STEAP2: variants seen among roughly 807,000 people sequenced by gnomAD.
STEAP2 encodes STEAP2 metalloreductase, also known as metalloreductase STEAP2.
STEAP2 carries 30 observed loss-of-function variants against 46.4 expected under a neutral mutation model. That is an observed-to-expected ratio of 0.65 (90% CI 0.48 to 0.88). STEAP2 has a LOEUF of 0.88. Ranked by LOEUF, STEAP2 falls within the 40% of genes least tolerant of loss-of-function variation. The probability of loss-of-function intolerance (pLI) is 0.00; values close to 1 mark genes in which losing one functional copy is unlikely to be tolerated. For missense variants in STEAP2, 513 were observed against 579.3 expected (o/e 0.89, Z 1.18); for synonymous variants, 180 against 200.5 (o/e 0.90, Z 0.86).
chr7:90,240,439 T>C (rs763942487), downstream of STEAP2, among the ~76,000 whole-genome samples: 4 of 152,206 alleles, frequency 2.6e-5, no homozygotes, highest in East Asian at 3.8e-4. This position sits in a 1 kb window ranked among gnomAD's most constrained non-coding sequence, Gnocchi z 4.1. Context: ...CAGAAAGGAA[T>C]AACATTTGCT....
chr7:90,218,511 T>C (rs1296457345), intron 2 of STEAP2, among the ~76,000 whole-genome samples: 1 of 152,168 alleles, frequency 6.6e-6, no homozygotes, highest in Admixed American at 6.5e-5. Context: ...AAGTACCATA[T>C]ATTTGAAGAG....
chr7:90,237,709 G>A (rs542006064), downstream of STEAP2: 41 of 163,258 alleles, frequency 2.5e-4, no homozygotes, highest in Non-Finnish European at 4.3e-4. Context: ...ACTTTTCTGA[G>A]TTATTTCTTT....
Position 90,233,116 on chromosome 7 carries a change from T to C in STEAP2, c.*492T>C, listed in dbSNP as rs1795828520. The C allele has an allele frequency of 1.0e-6, 1 of 985,116 alleles. No homozygotes were observed. The allele number at this position is 985,116 out of a possible 1,614,324, so 61.0% of individuals were successfully genotyped here. On this transcript the variant is annotated 3_prime_UTR_variant, in exon 6 of 6. Transcript: ENST00000394621. ...TTAGCATCTAGGTAAGGCTGCATGA[T>C]AGCATTCCTATATTTCTCTCATAAA... is the stretch of plus-strand genomic sequence containing the variant.
At position 90,234,189 on chromosome 7, in the gene STEAP2, T is replaced by C; in HGVS notation, c.*1565T>C. On this transcript the variant is annotated 3_prime_UTR_variant, in exon 6 of 6. Coordinates refer to ENST00000394621, the MANE Select transcript of STEAP2 (RefSeq NM_001244944.2). ...TAATTATAAATCTACTCTAGAGACA[T>C]ATAATCATACAGATTATTCATAAAA... The C allele has an allele frequency of 1.0e-6, 1 of 985,322 alleles. No individual in the cohort carries two copies. Among genetic ancestry groups the C allele is most frequent in the African/African-American group, 1.7e-5 (1 of 57,370 alleles). 61.0% of individuals were successfully genotyped at this position (985,322 alleles called of 1,614,324 possible). A position where few individuals can be genotyped will look rare whatever the true frequency, so the allele number is the denominator to read the frequency against.
chr7:90,227,216 C>T lies in STEAP2; in HGVS notation c.738C>T (p.Asp246=), dbSNP rs564034572. The stretch of plus-strand genomic sequence containing the variant: ...CATATGCTAGAAACCAACAGAGTGA[C>T]TTTTACAAAATTCCTATAGAGATTG... ...IHPYARNQQS[D]FYKIPIEIVN... The change falls in exon 4 of 6, where the codon GAC becomes GAT. Residue 246 remains aspartate, a synonymous_variant. Transcript: ENST00000394621. 2 of 1,613,850 alleles carry T rather than the reference C, an allele frequency of 1.2e-6. No individual in the cohort carries two copies. The highest frequency in any genetic ancestry group is 4.5e-5 in the East Asian group (2 of 44,874).
rs1795955432 is a variant in STEAP2, at chr7:90,236,201, GATTT to G, written c.*3584_*3587del. ...CTGTACAGTTTCCCCCCAAAAAAGA[GATTT>G]ATTTATGAAATATTTAAAGTTTCTA... is the stretch of plus-strand genomic sequence containing the variant. On this transcript the variant is annotated 3_prime_UTR_variant, in exon 6 of 6. Coordinates refer to ENST00000394621, the MANE Select transcript of STEAP2 (RefSeq NM_001244944.2). 1.3e-5 allele frequency: 10 copies of G among 784,300 alleles called. No individual in the cohort carries two copies. The highest frequency in any genetic ancestry group is 3.8e-5 in the African/African-American group (2 of 52,892). The allele number at this position is 784,300 out of a possible 1,614,324, so 48.6% of individuals were successfully genotyped here. A position where few individuals can be genotyped will look rare whatever the true frequency, so the allele number is the denominator to read the frequency against.
intron 2 of STEAP2, among the ~76,000 whole-genome samples, chr7:90,222,847 A>G (rs1487406157): frequency 6.6e-6 from 1 of 152,130 alleles, no homozygotes; most frequent in African/African-American, 2.4e-5. Flanking sequence ...AAAAACCCCA[A>G]CTTTTTTTTG....
chr7:90,225,373 T>C lies in STEAP2; in HGVS notation c.291T>C (p.His97=). The C allele has an allele frequency of 6.2e-7, 1 of 1,613,790 alleles. No homozygotes were observed. The highest frequency in any genetic ancestry group is 8.5e-7 in the Non-Finnish European group (1 of 1,179,874). Residue 97 remains histidine, a synonymous_variant, in exon 3 of 6, where the codon CAT becomes CAC. Coordinates refer to ENST00000394621, the MANE Select transcript of STEAP2 (RefSeq NM_001244944.2). The stretch of plus-strand genomic sequence containing the variant: ...TATTTGTTGCTATACACAGAGAACA[T>C]TATACCTCCCTGTGGGACCTGAGAC... ...NIIFVAIHRE[H]YTSLWDLRHL...
rs369585332 is a variant in STEAP2, at chr7:90,219,968, C to T, written c.-34+3365C>T. 2.5e-3 allele frequency among the ~76,000 whole-genome samples: 383 copies of T among 152,300 alleles called. 19 individuals carry two copies. In the South Asian group the frequency reaches 0.077, roughly 30 times the overall value. ...GCTTAAACTCCTGGCTTCAATCCAT[C>T]CTCCTGCATTGGCCTCCCAAAGTGC... On this transcript the variant is annotated intron_variant, in intron 2 of 5. Transcript: ENST00000394621.
Position 90,236,128 on chromosome 7 carries a change from T to C in STEAP2, c.*3504T>C. 2 of 672,442 alleles carry C rather than the reference T, an allele frequency of 3.0e-6. No individual in the cohort carries two copies. Among genetic ancestry groups the C allele is most frequent in the Non-Finnish European group, 1.8e-6 (1 of 545,444 alleles). 41.7% of individuals were successfully genotyped at this position (672,442 alleles called of 1,614,324 possible). ...TTAATATATCTCCTATCTGATAACT[T>C]AATTCTTCTAAATTACCACTTGCCA... On this transcript the variant is annotated 3_prime_UTR_variant, in exon 6 of 6. Coordinates refer to ENST00000394621, the MANE Select transcript of STEAP2 (RefSeq NM_001244944.2).
At chr7:90,227,614 G>A (rs1016376103) in intron 4 of STEAP2, 116 bp downstream of exon 4, 144 of 1,005,896 alleles carry the variant, frequency 1.4e-4, no homozygotes, top group Middle Eastern at 1.0e-3. Flanking sequence ...GGTATACTGC[G>A]GGAGGGGAAA....
In STEAP2 at chr7:90,227,380, G is replaced by T; in HGVS notation, c.902G>T (p.Cys301Phe). The change falls in exon 4 of 6, where the codon TGT (cysteine) becomes TTT (phenylalanine). Residue 301 changes from cysteine to phenylalanine, a missense_variant. Coordinates refer to ENST00000394621, the MANE Select transcript of STEAP2 (RefSeq NM_001244944.2). ...FPPWLETWLQ[C>F]RKQLGLLSFF... ...CCTTGGTTGGAAACCTGGTTACAGT[G>T]TAGAAAACAGCTTGGATTACTAAGT... is the stretch of plus-strand genomic sequence containing the variant. 6.2e-7 allele frequency: 1 copy of T among 1,613,544 alleles called. No homozygotes were observed. Among genetic ancestry groups the T allele is most frequent in the South Asian group, 1.1e-5 (1 of 91,066 alleles).
chr7:90,221,815 G>A (rs1293567681), intron 2 of STEAP2, among the ~76,000 whole-genome samples: 1 of 152,128 alleles, frequency 6.6e-6, no homozygotes, highest in Non-Finnish European at 1.5e-5. Context: ...GGAACTCCCA[G>A]CAAAATAAAA....
rs1184423283 is a variant in STEAP2 at position 90,232,570 on chromosome 7, A to C, written c.1419A>C (p.Glu473Asp). The change falls in exon 6 of 6, where the codon GAA becomes GAC. Residue 473 changes from glutamate to aspartate, a missense_variant. By Grantham distance (45) the Glu-to-Asp change is conservative (BLOSUM62 2). Coordinates refer to ENST00000394621, the MANE Select transcript of STEAP2 (RefSeq NM_001244944.2). ...KGWEKSQFLE[E>D]GMGGTIPHVS... ...GGGAAAAGAGCCAATTTCTGGAAGA[A>C]GGTATGGGAGGAACAATTCCTCATG... 4 of 1,613,360 alleles carry C rather than the reference A, an allele frequency of 2.5e-6. No homozygotes were observed. The highest frequency in any genetic ancestry group is 2.7e-5 in the African/African-American group (2 of 74,890).
intron 2 of STEAP2, among the ~76,000 whole-genome samples, chr7:90,219,826 C>T: frequency 6.6e-6 from 1 of 152,130 alleles, no homozygotes; most frequent in African/African-American, 2.4e-5. Context: ...CTTCTGGGCT[C>T]AGGTGATTCT....
chr7:90,225,045 C>A lies in STEAP2; in HGVS notation c.-33-5C>A, dbSNP rs1360531540. ...CTGATGACCATTTTATTTTCTCTCC[C>A]CTAGGATATTCTTGGTGATCTTGGA... On this transcript the variant is annotated splice_region_variant and splice_polypyrimidine_tract_variant and intron_variant, in intron 2 of 5. Coordinates refer to ENST00000394621, the MANE Select transcript of STEAP2 (RefSeq NM_001244944.2). The A allele has an allele frequency of 6.3e-7, 1 of 1,595,174 alleles. No homozygotes were observed. Among genetic ancestry groups the A allele is most frequent in the Admixed American group, 1.7e-5 (1 of 57,546 alleles).
chr7:90,228,031 G>T (rs1372129648), intron 4 of STEAP2, among the ~76,000 whole-genome samples: 1 of 151,946 alleles, frequency 6.6e-6, no homozygotes, highest in East Asian at 1.9e-4. Context: ...CAAAGCTCTT[G>T]TTATCAAAAA....
intron 4 of STEAP2, among the ~76,000 whole-genome samples, chr7:90,227,836 CA>C (rs1795565772): frequency 6.6e-6 from 1 of 152,008 alleles, no homozygotes. Flanking sequence ...CTGTGCTCCA[CA>C]AAATGATGAG....
chr7:90,219,399 A>G (rs1795157707), intron 2 of STEAP2, among the ~76,000 whole-genome samples: 1 of 152,080 alleles, frequency 6.6e-6, no homozygotes, highest in Admixed American at 6.6e-5. Flanking sequence ...CCCCATTTCA[A>G]AATAATGATA....
Sources: allele counts gnomAD v4.1 joint callset (sites outside exome capture counted in the v4.1 genomes callset), GRCh38; gene constraint gnomAD v4.1.1; non-coding constraint Gnocchi (gnomAD v3.1); transcripts MANE v1.5; gene names NCBI Gene and HGNC (gene_info 2026-07-23, HGNC 2026-07-21).